Variants in KATNIP observed in about 807,000 individuals in gnomAD.
The protein encoded by KATNIP is katanin-interacting protein.
KATNIP carries 126 observed loss-of-function variants against 174.0 expected under a neutral mutation model. The observed-to-expected ratio is 0.72, with a 90% CI of 0.63 to 0.84. The LOEUF (loss-of-function observed/expected upper bound fraction) is 0.84, where lower values mean the gene tolerates loss of function less well. Among genes scored for constraint, KATNIP ranks in the 40% least tolerant of loss-of-function variants. The probability of loss-of-function intolerance (pLI) is 0.00; values close to 1 mark genes in which losing one functional copy is unlikely to be tolerated. For synonymous variants in KATNIP, 810 were observed against 835.7 expected (o/e 0.97, Z 0.53); for missense variants, 1,958 against 2,109.7 (o/e 0.93, Z 1.41).
intron 11 of KATNIP, among the ~76,000 whole-genome samples, 186 bp from the exon 12 acceptor site, chr16:27,703,710 C>G (rs1396586935): frequency 6.6e-6 from 1 of 152,208 alleles, no homozygotes. Context: ...GATTCCATCA[C>G]TAATTGTGTA....
chr16:27,553,926 C>T (rs911034830), intron 1 of KATNIP, among the ~76,000 whole-genome samples: 1 of 148,926 alleles, frequency 6.7e-6, no homozygotes, highest in African/African-American at 2.5e-5. Flanking sequence ...TGCACTCCAG[C>T]CTGGGCAAAA....
intron 6 of KATNIP, among the ~76,000 whole-genome samples, chr16:27,671,075 C>A (rs547190330): frequency 3.5e-4 from 53 of 152,216 alleles, no homozygotes; most frequent in Non-Finnish European, 6.6e-4. Flanking sequence ...TGCTTGTAAG[C>A]CCAGCTACTC....
At chr16:27,677,583 A>G (rs2078169757) in intron 6 of KATNIP, 146 bp from the exon 7 acceptor site, 1 of 829,622 alleles carries the variant, frequency 1.2e-6, no homozygotes, top group East Asian at 2.7e-5. Context: ...TCTCGTCTTC[A>G]AAGCAGTGAC....
At chr16:27,634,135 T>C (rs2076568983) in intron 5 of KATNIP, among the ~76,000 whole-genome samples, 1 of 152,204 alleles carries the variant, frequency 6.6e-6, no homozygotes, top group Admixed American at 6.5e-5. Flanking sequence ...CTAGAGTCTG[T>C]GCAATTTAAA....
chr16:27,595,873 G>A (rs1343460119), intron 2 of KATNIP, among the ~76,000 whole-genome samples: 2 of 152,192 alleles, frequency 1.3e-5, no homozygotes, highest in Non-Finnish European at 1.5e-5. Flanking sequence ...AGGAAGCCAC[G>A]CAGATCTCTG....
Position 27,672,011 on chromosome 16 carries a change from G to A in KATNIP, c.541-5718G>A, listed in dbSNP as rs374158161. Reference sequence around the variant, plus strand: ...GCGGAGGTTGCAGTGAGCCGAGATCGTGTCACTGCATTCCAGCCTGGGCAA... The same window carrying A: ...GCGGAGGTTGCAGTGAGCCGAGATCATGTCACTGCATTCCAGCCTGGGCAA... On this transcript the variant is annotated intron_variant, in intron 6 of 27. Coordinates refer to ENST00000261588, the MANE Select transcript of KATNIP (RefSeq NM_015202.5). 6.2e-4 allele frequency among the ~76,000 whole-genome samples: 94 copies of A among 152,258 alleles called. 2 individuals carry two copies. In the South Asian group the frequency reaches 0.018, roughly 29 times the overall value.
chr16:27,773,268 G>T (rs958910688), intron 23 of KATNIP, 59 bp downstream of exon 23: 2 of 1,203,512 alleles, frequency 1.7e-6, no homozygotes, highest in Non-Finnish European at 2.4e-6. Context: ...TGGGAGGGTC[G>T]GGAACGGGGC....
At chr16:27,687,836 G>C (rs888099787) in intron 8 of KATNIP, among the ~76,000 whole-genome samples, 2 of 152,186 alleles carry the variant, frequency 1.3e-5, no homozygotes, top group African/African-American at 4.8e-5. Flanking sequence ...CCTGTACTTA[G>C]TGTTCCTGTC....
chr16:27,673,257 A>G (rs2077985321), intron 6 of KATNIP, among the ~76,000 whole-genome samples: 1 of 152,214 alleles, frequency 6.6e-6, no homozygotes, highest in South Asian at 2.1e-4. Context: ...AGGGTTGAAA[A>G]TGTTTTCTAG....
At chr16:27,610,298 T>G (rs2075852708) in intron 2 of KATNIP, among the ~76,000 whole-genome samples, 1 of 152,088 alleles carries the variant, frequency 6.6e-6, no homozygotes, top group Admixed American at 6.6e-5. Flanking sequence ...GGTCAGATTT[T>G]GGATACGCAG....
chr16:27,575,072 C>T (rs895349479), intron 2 of KATNIP, among the ~76,000 whole-genome samples: 1 of 152,184 alleles, frequency 6.6e-6, no homozygotes, highest in Non-Finnish European at 1.5e-5. Flanking sequence ...AGAGTATGCA[C>T]TGTCTAGTTG....
chr16:27,761,119 A>G (rs2081938498), intron 18 of KATNIP, among the ~76,000 whole-genome samples: 1 of 152,194 alleles, frequency 6.6e-6, no homozygotes, highest in South Asian at 2.1e-4. Flanking sequence ...GAAGCCACCA[A>G]GGATGTTCAG....
At chr16:27,566,516 G>A (rs150715336) in intron 1 of KATNIP, among the ~76,000 whole-genome samples, 289 of 151,218 alleles carry the variant, frequency 1.9e-3, no homozygotes, top group African/African-American at 3.0e-3. Flanking sequence ...AGCCCCAGGC[G>A]ACAGAGTGAG....
chr16:27,753,172 G>A (rs950774899), intron 17 of KATNIP, among the ~76,000 whole-genome samples: 4 of 152,162 alleles, frequency 2.6e-5, no homozygotes, highest in Non-Finnish European at 2.9e-5. Flanking sequence ...CGGCCACCAA[G>A]AGGGGCAAGC....
At chr16:27,607,231 T>C (rs1291309606) in intron 2 of KATNIP, among the ~76,000 whole-genome samples, 2 of 152,110 alleles carry the variant, frequency 1.3e-5, no homozygotes, top group African/African-American at 4.8e-5. Flanking sequence ...AATCAAGGTG[T>C]TATACCCAGA....
chr16:27,769,787 C>G (rs1415925552), intron 20 of KATNIP, 74 bp from the exon 21 acceptor site: 1 of 1,547,086 alleles, frequency 6.5e-7, no homozygotes, highest in Non-Finnish European at 8.8e-7. Context: ...CCAGCAGCTC[C>G]GGTCACGTCA....
intron 1 of KATNIP, among the ~76,000 whole-genome samples, chr16:27,562,899 G>A (rs1273105851): frequency 6.6e-6 from 1 of 152,222 alleles, no homozygotes; most frequent in East Asian, 1.9e-4. Flanking sequence ...GAAAGAGCAG[G>A]GGGAAGGGAT....
At chr16:27,574,085 C>A in intron 2 of KATNIP, 129 bp downstream of exon 2, 1 of 742,386 alleles carries the variant, frequency 1.3e-6, no homozygotes, top group South Asian at 1.6e-5. Context: ...AATCCTGGAG[C>A]AAATGATAGT....
intron 8 of KATNIP, among the ~76,000 whole-genome samples, chr16:27,689,730 G>A (rs1350411286): frequency 6.6e-6 from 1 of 152,194 alleles, no homozygotes; most frequent in African/African-American, 2.4e-5. Flanking sequence ...GCTTAAAACA[G>A]CAACCGTTTT....
Sources: allele counts gnomAD v4.1 joint callset (sites outside exome capture counted in the v4.1 genomes callset), GRCh38; gene constraint gnomAD v4.1.1; transcripts MANE v1.5; gene names NCBI Gene and HGNC (gene_info 2026-07-23, HGNC 2026-07-21).